ATF7IP: variants seen among roughly 807,000 people sequenced by gnomAD.
ATF7IP encodes activating transcription factor 7 interacting protein.
In ATF7IP, 23 loss-of-function variants were observed where a neutral mutation model predicts 106.4. That is an observed-to-expected ratio of 0.22 (90% CI 0.16 to 0.31). The LOEUF is 0.31. Ranked by LOEUF, ATF7IP falls within the 10% of genes least tolerant of loss-of-function variation. The probability of loss-of-function intolerance (pLI) is 1.00; values close to 1 mark genes in which losing one functional copy is unlikely to be tolerated. For missense variants in ATF7IP, 1,334 were observed against 1,524.3 expected, an observed-to-expected ratio of 0.88 and a Z score of 2.08; for synonymous variants, 542 against 539.0, an observed-to-expected ratio of 1.01 and a Z score of -0.08.
intron 12 of ATF7IP, among the ~76,000 whole-genome samples, chr12:14,480,737 A>G (rs1264915876): frequency 1.3e-5 from 2 of 152,178 alleles, no homozygotes; most frequent in Admixed American, 6.5e-5. Context: ...AAAAATCTTC[A>G]CATTGCTTAT....
At chr12:14,417,025 G>A in intron 1 of ATF7IP, 1 of 817,466 alleles carries the variant, frequency 1.2e-6, no homozygotes, top group Non-Finnish European at 1.5e-6. Context: ...TGGTTATTAA[G>A]AACACCTAAT....
intron 13 of ATF7IP, among the ~76,000 whole-genome samples, chr12:14,482,919 A>G (rs1456513344): frequency 2.0e-5 from 3 of 152,258 alleles, no homozygotes; most frequent in African/African-American, 7.2e-5. Flanking sequence ...ATACTATTAC[A>G]TAAAGTTAAC....
chr12:14,375,591 T>C (rs1228270753), intron 1 of ATF7IP, among the ~76,000 whole-genome samples: 1 of 152,172 alleles, frequency 6.6e-6, no homozygotes, highest in Admixed American at 6.5e-5. Flanking sequence ...CAAAAAATTT[T>C]CCTAAAATCA....
chr12:14,491,529 A>G (rs1199857783), intron 13 of ATF7IP, among the ~76,000 whole-genome samples: 1 of 152,204 alleles, frequency 6.6e-6, no homozygotes, highest in Non-Finnish European at 1.5e-5. Context: ...ATCAATCAGA[A>G]TAATGTCATC....
At chr12:14,378,068 G>T (rs1308249448) in intron 1 of ATF7IP, among the ~76,000 whole-genome samples, 1 of 151,328 alleles carries the variant, frequency 6.6e-6, no homozygotes, top group African/African-American at 2.4e-5. Flanking sequence ...TTCTGGACAA[G>T]ACTGAACAAT....
intron 1 of ATF7IP, among the ~76,000 whole-genome samples, chr12:14,392,039 T>A (rs1362197888): frequency 6.6e-6 from 1 of 152,180 alleles, no homozygotes; most frequent in Non-Finnish European, 1.5e-5. Flanking sequence ...GGTATTTTTA[T>A]GGAATGAGGC....
chr12:14,498,246 C>G lies in ATF7IP; in HGVS notation c.*173C>G, dbSNP rs1945070370. 1.1e-5 allele frequency: 7 copies of G among 626,210 alleles called. No homozygotes were observed. The East Asian group carries it at 1.4e-4, about 12-fold the overall frequency. 38.8% of individuals were successfully genotyped at this position (626,210 alleles called of 1,614,324 possible). A position where few individuals can be genotyped will look rare whatever the true frequency, so the allele number is the denominator to read the frequency against. On this transcript the variant is annotated 3_prime_UTR_variant, in exon 15 of 15. Coordinates refer to ENST00000261168, the MANE Select transcript of ATF7IP (RefSeq NM_018179.5). ...AGCAAAATAAACTCAGCCCACAAAG[C>G]TAGAATCTTTTCCTGGACAGTTTAG... is the stretch of plus-strand genomic sequence containing the variant.
chr12:14,456,096 C>T (rs1033835136), intron 6 of ATF7IP, among the ~76,000 whole-genome samples: 1 of 152,012 alleles, frequency 6.6e-6, no homozygotes, highest in Non-Finnish European at 1.5e-5. Context: ...TAAAAAACAA[C>T]TTAAAAATAA....
chr12:14,448,992 C>T (rs1943091974), intron 6 of ATF7IP, among the ~76,000 whole-genome samples: 1 of 152,048 alleles, frequency 6.6e-6, no homozygotes, highest in Admixed American at 6.6e-5. Context: ...ATTTTTAAAT[C>T]AAGTTCCTTA....
In ATF7IP at chr12:14,384,889, C is replaced by T. The variant is rs1254596199; in HGVS notation, c.-8+19062C>T. ...ATAAAAGGTAAAAAAAAAAAAAAGG[C>T]CTTGAGCAAGGTTTAACTTTTTTTT... On this transcript the variant is annotated intron_variant, in intron 1 of 14. Coordinates refer to ENST00000261168, the MANE Select transcript of ATF7IP (RefSeq NM_018179.5). Among the ~76,000 whole-genome samples, 6 of 143,330 alleles carry T rather than the reference C, an allele frequency of 4.2e-5. No individual in the cohort carries two copies. The East Asian group carries it at 6.2e-4, about 15-fold the overall frequency. The allele number at this position is 143,330 out of a possible 152,430, so 94.0% of individuals were successfully genotyped here.
chr12:14,496,159 AT>A, intron 13 of ATF7IP, 71 bp from the exon 14 acceptor site: 1 of 966,004 alleles, frequency 1.0e-6, no homozygotes, highest in South Asian at 1.5e-5. Context: ...GCCTTCAAAT[AT>A]TTAATCAGTT....
chr12:14,385,209 G>GGGGCTTTGT lies in ATF7IP; in HGVS notation c.-8+19383_-8+19391dup, dbSNP rs1453205558. On this transcript the variant is annotated intron_variant, in intron 1 of 14. Coordinates refer to ENST00000261168, the MANE Select transcript of ATF7IP (RefSeq NM_018179.5). The stretch of plus-strand genomic sequence containing the variant: ...TTTCCTGCAGGCTGACAAAGTGGGA[G>GGGGCTTTGT]GGGCTTTGTTTGTTACATAGCTGAG... 34 of 500,134 alleles carry GGGGCTTTGT rather than the reference G, an allele frequency of 6.8e-5. No homozygotes were observed. In the East Asian group the frequency reaches 1.1e-3, roughly 15 times the overall value. The allele number at this position is 500,134 out of a possible 1,614,324, so 31.0% of individuals were successfully genotyped here.
chr12:14,397,301 A>G (rs1418213651), intron 1 of ATF7IP, among the ~76,000 whole-genome samples: 52 of 152,240 alleles, frequency 3.4e-4, no homozygotes, highest in Non-Finnish European at 1.5e-5. Context: ...GAGTTCCTAA[A>G]AAGTGTTTGT....
In ATF7IP at chr12:14,478,555, CAG is replaced by C. The variant is rs1296400355; in HGVS notation, c.3097+85_3097+86del. 6 of 1,468,828 alleles carry C rather than the reference CAG, an allele frequency of 4.1e-6. No individual in the cohort carries two copies. The African/African-American group carries it at 4.2e-5, about 10-fold the overall frequency. The allele number at this position is 1,468,828 out of a possible 1,614,324, so 91.0% of individuals were successfully genotyped here. A position where few individuals can be genotyped will look rare whatever the true frequency, so the allele number is the denominator to read the frequency against. Reference sequence around the variant, plus strand: ...TATGGAGTTAAGTGGAAAGATAAGACAGAAAATTAATATTCATCTTGTTAATT... The same window carrying C: ...TATGGAGTTAAGTGGAAAGATAAGACAAAATTAATATTCATCTTGTTAATT... On this transcript the variant is annotated intron_variant, in intron 12 of 14. Coordinates refer to ENST00000261168, the MANE Select transcript of ATF7IP (RefSeq NM_018179.5).
intron 1 of ATF7IP, among the ~76,000 whole-genome samples, chr12:14,379,984 T>G (rs979821525): frequency 6.6e-6 from 1 of 152,168 alleles, no homozygotes; most frequent in African/African-American, 2.4e-5. Context: ...TCATTGGTGA[T>G]GTATTTGTGT....
At chr12:14,433,461 C>T (rs1484952586) in intron 2 of ATF7IP, among the ~76,000 whole-genome samples, 2 of 151,972 alleles carry the variant, frequency 1.3e-5, no homozygotes, top group South Asian at 4.1e-4. Context: ...GCCGAGATTG[C>T]GCTACTGTAC....
intron 5 of ATF7IP, among the ~76,000 whole-genome samples, chr12:14,444,596 T>A (rs1171408967): frequency 6.6e-6 from 1 of 152,132 alleles, no homozygotes; most frequent in Non-Finnish European, 1.5e-5. Context: ...ATATTTTGAA[T>A]TATAATTAAA....
chr12:14,418,074 T>C (rs1941294543), intron 1 of ATF7IP, among the ~76,000 whole-genome samples: 1 of 152,158 alleles, frequency 6.6e-6, no homozygotes, highest in African/African-American at 2.4e-5. Flanking sequence ...AATGTTTTCA[T>C]TTAAAGAAGA....
intron 2 of ATF7IP, among the ~76,000 whole-genome samples, chr12:14,433,349 ACAAAAATTAGCTGGGC>A (rs572805072): frequency 1.1e-4 from 16 of 152,322 alleles, no homozygotes; most frequent in African/African-American, 3.6e-4. Context: ...TACTAAAAAT[ACAAAAATTAGCTGGGC>A]CTGGTGGCAG....
Sources: gnomAD v4.1 joint callset for allele counts (sites outside exome capture counted in the v4.1 genomes callset) on GRCh38, gnomAD v4.1.1 for gene constraint, MANE v1.5 for transcripts, NCBI Gene and HGNC (gene_info 2026-07-23, HGNC 2026-07-21) for gene names.